ZRANB2: variants seen among roughly 807,000 people sequenced by gnomAD.
ZRANB2 encodes zinc finger Ran-binding domain-containing protein 2.
Under a neutral mutation model 53.4 loss-of-function variants are expected in ZRANB2, and 19 were observed. The observed-to-expected ratio is 0.36, with a 90% CI of 0.25 to 0.52. ZRANB2 has a LOEUF of 0.52. Ranked by LOEUF, ZRANB2 falls within the 20% of genes least tolerant of loss-of-function variation. The probability of loss-of-function intolerance (pLI) is 0.93; values close to 1 mark genes in which losing one functional copy is unlikely to be tolerated. For synonymous variants in ZRANB2, 145 were observed against 134.8 expected (o/e 1.08, Z -0.52); for missense variants, 309 against 401.1 (o/e 0.77, Z 1.96).
intron 1 of ZRANB2, among the ~76,000 whole-genome samples, chr1:71,080,643 C>T (rs1258860406): frequency 1.7e-5 from 2 of 118,196 alleles, no homozygotes; most frequent in African/African-American, 7.0e-5. Context: ...TAAAACCTGG[C>T]CGGGGCGGGG....
intron 1 of ZRANB2, among the ~76,000 whole-genome samples, chr1:71,080,470 G>A (rs1055138057): frequency 3.3e-5 from 5 of 152,134 alleles, no homozygotes; most frequent in African/African-American, 1.2e-4. Flanking sequence ...TAGTATGGAG[G>A]AAAAGTTTGA....
intron 9 of ZRANB2, chr1:71,065,817 C>A: frequency 6.3e-7 from 1 of 1,586,944 alleles, no homozygotes; most frequent in Non-Finnish European, 8.6e-7. Context: ...TTATATGTGG[C>A]TAAGATAAAA....
At position 71,069,288 on chromosome 1, in the gene ZRANB2, C is replaced by G. The variant is rs773133571; in HGVS notation, c.758G>C (p.Gly253Ala). 6.2e-7 allele frequency: 1 copy of G among 1,611,112 alleles called. No individual in the cohort carries two copies. Among genetic ancestry groups the G allele is most frequent in the Non-Finnish European group, 8.5e-7 (1 of 1,178,374 alleles). ...CTACCTCATTCACCTTGATTTCGAC[C>G]CACGAGATCTCGAACGTTCTCTGGA... Reference protein sequence around the residue: ...SSSRERSRSRGSKSRSSSRSH... With the variant: ...SSSRERSRSRASKSRSSSRSH... Residue 253 changes from glycine to alanine, a missense_variant, in exon 8 of 10, where the codon GGG becomes GCG. Physicochemically the swap from Gly to Ala is moderately conservative, Grantham distance 60. Around this residue, in one of 3 missense-constraint regions of ZRANB2, gnomAD observed 211 missense variants for 196.1 expected, o/e 1.08. Transcript: ENST00000370920.
intron 9 of ZRANB2, 35 bp from the exon 10 acceptor site, chr1:71,065,172 T>C: frequency 6.6e-7 from 1 of 1,515,550 alleles, no homozygotes; most frequent in East Asian, 2.3e-5. Context: ...GGCATTCTAG[T>C]AAGCTAGAGC....
At chr1:71,075,555 G>A (rs1661689998) in intron 4 of ZRANB2, among the ~76,000 whole-genome samples, 1 of 152,026 alleles carries the variant, frequency 6.6e-6, no homozygotes, top group Non-Finnish European at 1.5e-5. Context: ...GGGCTTAGAA[G>A]AAAACACCAT....
At position 71,069,369 on chromosome 1, in the gene ZRANB2, C is replaced by T. The variant is rs764777472; in HGVS notation, c.684-7G>A. ...AGAACTTCTTGAACGGGACCTGGAACAACATGGAACGATTTTTTTTTTCCA... is the reference window on the plus strand; with the variant it reads ...AGAACTTCTTGAACGGGACCTGGAATAACATGGAACGATTTTTTTTTTCCA... On this transcript the variant is annotated splice_polypyrimidine_tract_variant and splice_region_variant and intron_variant, in intron 7 of 9. Transcript: ENST00000370920. 1.1e-5 allele frequency: 17 copies of T among 1,610,680 alleles called. No individual in the cohort carries two copies. The highest frequency in any genetic ancestry group is 1.4e-5 in the Non-Finnish European group (17 of 1,178,238).
intron 7 of ZRANB2, 115 bp from the exon 8 acceptor site, chr1:71,069,477 T>C: frequency 3.1e-6 from 2 of 644,118 alleles, no homozygotes; most frequent in South Asian, 4.3e-5. Flanking sequence ...AAGATAACTA[T>C]ACAAGATATA....
chr1:71,066,884 T>G lies in ZRANB2; in HGVS notation c.821A>C (p.Tyr274Ser). The G allele has an allele frequency of 6.2e-7, 1 of 1,606,924 alleles. No homozygotes were observed. Among genetic ancestry groups the G allele is most frequent in the Non-Finnish European group, 8.5e-7 (1 of 1,176,998 alleles). Residue 274 changes from tyrosine to serine, a missense_variant, in exon 9 of 10, where the codon TAT becomes TCT. Physicochemically the swap from Tyr to Ser is moderately radical, Grantham distance 144 (BLOSUM62 -2). Transcript: ENST00000370920. ...CTCAGGAGAAGATGATGAACTTGAA[T>G]AAGATCTTTTTCGTGGGGAAGAAGA... The part of the protein sequence containing the change: ...RGSSSPRKRS[Y>S]SSSSSSPERN...
chr1:71,076,962 A>G (rs1047233252), intron 3 of ZRANB2, 85 bp from the exon 4 acceptor site: 1 of 1,010,310 alleles, frequency 9.9e-7, no homozygotes, highest in African/African-American at 1.7e-5. Context: ...TTAAAATAAA[A>G]ACTAGGATGA....
intron 8 of ZRANB2, among the ~76,000 whole-genome samples, chr1:71,068,985 G>A (rs910145551): frequency 3.3e-5 from 5 of 151,794 alleles, no homozygotes; most frequent in African/African-American, 9.7e-5. Context: ...GAGATGTGGC[G>A]ATAAGACTTG....
At chr1:71,066,981 TAAGG>T in intron 8 of ZRANB2, 47 bp from the exon 9 acceptor site, 1 of 1,514,812 alleles carries the variant, frequency 6.6e-7, no homozygotes, top group Non-Finnish European at 8.8e-7. Flanking sequence ...AAAGAAGAAA[TAAGG>T]AAGATTATTT....
intron 6 of ZRANB2, 131 bp from the exon 7 acceptor site, chr1:71,071,127 T>C: frequency 1.3e-6 from 1 of 768,728 alleles, no homozygotes; most frequent in Non-Finnish European, 1.8e-6. Flanking sequence ...AATTCTGAAT[T>C]CTAAAATTCA....
chr1:71,075,228 CAT>C (rs1661681060), intron 4 of ZRANB2, among the ~76,000 whole-genome samples: 1 of 151,956 alleles, frequency 6.6e-6, no homozygotes, highest in African/African-American at 2.4e-5. Context: ...TTCCACAAAA[CAT>C]AGTAATTCTT....
At chr1:71,077,823 T>TC (rs1340061052) in intron 3 of ZRANB2, among the ~76,000 whole-genome samples, 1 of 152,072 alleles carries the variant, frequency 6.6e-6, no homozygotes, top group Non-Finnish European at 1.5e-5. Context: ...CCCACTGCAC[T>TC]CCAGCCTGGG....
In ZRANB2 at chr1:71,064,379, C is replaced by G. The variant is rs1661373223; in HGVS notation, c.*695G>C. 6.6e-6 allele frequency: 1 copy of G among 152,306 alleles called. No individual in the cohort carries two copies. The highest frequency in any genetic ancestry group is 6.6e-5 in the Admixed American group (1 of 15,256). The allele number at this position is 152,306 out of a possible 1,614,324, so 9.4% of individuals were successfully genotyped here. ...AGATGTCTTTATCAAGCAACCGTAT[C>G]AGCAGAGAAAAGATAAACTCTTAAG... On this transcript the variant is annotated 3_prime_UTR_variant, in exon 10 of 10. Coordinates refer to ENST00000370920, the MANE Select transcript of ZRANB2 (RefSeq NM_203350.3).
intron 8 of ZRANB2, 83 bp downstream of exon 8, chr1:71,069,193 T>TA (rs1557790984): frequency 1.7e-6 from 2 of 1,150,944 alleles, no homozygotes; most frequent in African/African-American, 3.2e-5. Flanking sequence ...AGAAGCAAAA[T>TA]AAGGGGAAAA....
At chr1:71,068,478 C>T (rs1382713430) in intron 8 of ZRANB2, among the ~76,000 whole-genome samples, 3 of 152,190 alleles carry the variant, frequency 2.0e-5, no homozygotes, top group African/African-American at 7.2e-5. Flanking sequence ...GATGTGACTA[C>T]ATGCAACCTG....
chr1:71,065,017 T>C lies in ZRANB2; in HGVS notation c.*57A>G, dbSNP rs1201695790. On this transcript the variant is annotated 3_prime_UTR_variant, in exon 10 of 10. Transcript: ENST00000370920. The stretch of plus-strand genomic sequence containing the variant: ...CTGACCAAGTAAGACACCAACTTCT[T>C]TAAAAATATGCTTCATGCACTGTAC... 1.5e-6 allele frequency: 2 copies of C among 1,344,102 alleles called. No individual in the cohort carries two copies. The highest frequency in any genetic ancestry group is 2.5e-5 in the East Asian group (1 of 40,194). 83.3% of individuals were successfully genotyped at this position (1,344,102 alleles called of 1,614,324 possible). A position where few individuals can be genotyped will look rare whatever the true frequency, so the allele number is the denominator to read the frequency against.
rs774537664 is a variant in ZRANB2, at chr1:71,066,781, G to A, written c.924C>T (p.Pro308=). The change falls in exon 9 of 10, where the codon CCC becomes CCT. Residue 308 remains proline (P), a synonymous_variant. Transcript: ENST00000370920. ...RKKRRTRSRS[P]ERRHRSSSGS... is the part of the protein sequence containing the mutation. Reference sequence around the variant, plus strand: ...ATTTCTACAGAAACCCAAACCTTTCGGGTGACCGTGATCTTGTTCGTCTTT... The same window carrying A: ...ATTTCTACAGAAACCCAAACCTTTCAGGTGACCGTGATCTTGTTCGTCTTT... 51 of 1,610,852 alleles carry A rather than the reference G, an allele frequency of 3.2e-5. No individual in the cohort carries two copies. Among genetic ancestry groups the A allele is most frequent in the South Asian group, 2.6e-4 (23 of 89,770 alleles).
Sources: allele counts gnomAD v4.1 joint callset (sites outside exome capture counted in the v4.1 genomes callset), GRCh38; gene constraint gnomAD v4.1.1; regional missense constraint gnomAD v4.1.1; transcripts MANE v1.5; gene names NCBI Gene and HGNC (gene_info 2026-07-23, HGNC 2026-07-21).